The following STK33 variants were observed in gnomAD, a reference collection of about 807,000 sequenced individuals.
STK33 encodes serine/threonine-protein kinase 33.
STK33 carries 52 observed loss-of-function variants against 58.0 expected under a neutral mutation model. The observed-to-expected ratio is 0.90, with a 90% CI of 0.72 to 1.13. STK33 has a LOEUF of 1.13. Ranked by LOEUF, STK33 falls within the 50% of genes most tolerant of loss-of-function variation. STK33 has a pLI of 0.00. For synonymous variants in STK33, 215 were observed against 200.1 expected, an observed-to-expected ratio of 1.07 and a Z score of -0.63; for missense variants, 630 against 604.2, an observed-to-expected ratio of 1.04 and a Z score of -0.45.
chr11:8,554,533 T>C (rs915074469), intron 1 of STK33, among the ~76,000 whole-genome samples: 18 of 151,454 alleles, frequency 1.2e-4, no homozygotes, highest in Admixed American at 9.9e-4. Flanking sequence ...ATCAGATAAA[T>C]GCAAATTAAA....
chr11:8,552,008 T>C (rs556566245), intron 1 of STK33, among the ~76,000 whole-genome samples: 1 of 152,296 alleles, frequency 6.6e-6, no homozygotes, highest in East Asian at 1.9e-4. Flanking sequence ...TGCCCCTGTG[T>C]GCCCCCAATT....
intron 12 of STK33, among the ~76,000 whole-genome samples, chr11:8,440,397 G>C (rs1944588914): frequency 6.6e-6 from 1 of 152,074 alleles, no homozygotes; most frequent in African/African-American, 2.4e-5. Context: ...TGTAGCAAAG[G>C]ATACGGAAGG....
intron 14 of STK33, 39 bp from the exon 15 acceptor site, chr11:8,413,731 T>TA (rs1243512426): frequency 5.1e-6 from 8 of 1,576,948 alleles, no homozygotes; most frequent in Middle Eastern, 1.7e-4. Flanking sequence ...ATAAACAACT[T>TA]AGAGAATTGA....
chr11:8,430,317 A>T (rs1943265298), intron 14 of STK33, among the ~76,000 whole-genome samples: 1 of 152,048 alleles, frequency 6.6e-6, no homozygotes, highest in African/African-American at 2.4e-5. Context: ...CTCCTACATG[A>T]ATTTCTATTT....
At chr11:8,414,549 G>A (rs141850215) in intron 14 of STK33, among the ~76,000 whole-genome samples, 284 of 152,268 alleles carry the variant, frequency 1.9e-3, no homozygotes, top group African/African-American at 6.6e-3. Flanking sequence ...TTTAGCATCA[G>A]TGACACAGAA....
chr11:8,558,190 T>G (rs1482107299), intron 1 of STK33, among the ~76,000 whole-genome samples: 1 of 152,202 alleles, frequency 6.6e-6, no homozygotes, highest in African/African-American at 2.4e-5. Context: ...AGGGAGCTGT[T>G]TAACTATTGC....
At chr11:8,511,662 A>G (rs182115936) in intron 1 of STK33, among the ~76,000 whole-genome samples, 3 of 152,262 alleles carry the variant, frequency 2.0e-5, no homozygotes, top group African/African-American at 7.2e-5. Context: ...TTCTATGCCA[A>G]TCTTGTTGAG....
At chr11:8,407,319 T>C (rs1182719501) in intron 15 of STK33, among the ~76,000 whole-genome samples, 3 of 152,102 alleles carry the variant, frequency 2.0e-5, no homozygotes, top group Non-Finnish European at 4.4e-5. Flanking sequence ...TGTAACATCC[T>C]TGTCATGTTT....
At chr11:8,390,008 C>T (rs546231106), downstream of STK33, among the ~76,000 whole-genome samples, 5 of 152,298 alleles carry the variant, frequency 3.3e-5, no homozygotes, top group South Asian at 6.2e-4. Flanking sequence ...CCTCTCGCTC[C>T]GGCTTCCGGC....
At chr11:8,378,104 G>T in the STK33 span, among the ~76,000 whole-genome samples, 1 of 152,202 alleles carries the variant, frequency 6.6e-6, no homozygotes, top group Non-Finnish European at 1.5e-5. Flanking sequence ...AGGTTTAATT[G>T]ACTCACCATT....
At chr11:8,508,065 A>G (rs1952004955) in intron 1 of STK33, among the ~76,000 whole-genome samples, 1 of 151,754 alleles carries the variant, frequency 6.6e-6, no homozygotes, top group South Asian at 2.1e-4. Context: ...TAATTTTTGT[A>G]TTTTTAGTAG....
chr11:8,473,318 G>A (rs781350530), intron 5 of STK33, 42 bp from the exon 6 acceptor site: 10 of 1,187,362 alleles, frequency 8.4e-6, no homozygotes, highest in Non-Finnish European at 1.2e-5. Flanking sequence ...ACTTTAAGAT[G>A]TAATATTCTT....
At chr11:8,551,039 C>CA (rs767260557) in intron 1 of STK33, among the ~76,000 whole-genome samples, 7 of 152,138 alleles carry the variant, frequency 4.6e-5, no homozygotes, top group Non-Finnish European at 8.8e-5. Context: ...GCCTCACAAT[C>CA]ATGACAGAAG....
At chr11:8,493,576 A>G (rs141650329) in intron 1 of STK33, among the ~76,000 whole-genome samples, 5,049 of 152,254 alleles carry the variant, frequency 0.033, 133 homozygotes, top group Non-Finnish European at 0.05. Flanking sequence ...AAAAAGAGAA[A>G]ATCCTCCCTA....
At chr11:8,548,109 T>C (rs954778984) in intron 1 of STK33, among the ~76,000 whole-genome samples, 1 of 151,454 alleles carries the variant, frequency 6.6e-6, no homozygotes. Flanking sequence ...CGTGTATACA[T>C]ATGTAACAAA....
At chr11:8,553,048 C>T (rs967775803) in intron 1 of STK33, among the ~76,000 whole-genome samples, 1 of 150,228 alleles carries the variant, frequency 6.7e-6, no homozygotes, top group Non-Finnish European at 1.5e-5. Flanking sequence ...CCCAGATACT[C>T]AGGAAGCTGA....
At chr11:8,563,189 T>A (rs1460527677) in intron 1 of STK33, among the ~76,000 whole-genome samples, 2 of 152,186 alleles carry the variant, frequency 1.3e-5, no homozygotes, top group Non-Finnish European at 2.9e-5. Flanking sequence ...GAAATAACTA[T>A]CTTTTTTCTT....
At chr11:8,553,197 TG>T (rs1463090665) in intron 1 of STK33, among the ~76,000 whole-genome samples, 878 of 62,776 alleles carry the variant, frequency 0.014, 24 homozygotes, top group Non-Finnish European at 0.017. Context: ...TATATATATA[TG>T]GTGTATATAT....
At chr11:8,565,167 TAAC>T (rs1190689368) in intron 1 of STK33, among the ~76,000 whole-genome samples, 3 of 151,860 alleles carry the variant, frequency 2.0e-5, no homozygotes, top group Non-Finnish European at 4.4e-5. Context: ...GAAAAAAAAA[TAAC>T]AAAGTAGTGA....
Sources: allele counts gnomAD v4.1 joint callset (sites outside exome capture counted in the v4.1 genomes callset), GRCh38; gene constraint gnomAD v4.1.1; transcripts MANE v1.5; gene names NCBI Gene and HGNC (gene_info 2026-07-23, HGNC 2026-07-21).